TTLL5: variants seen among roughly 807,000 people sequenced by gnomAD.
The protein encoded by TTLL5 is tubulin polyglutamylase TTLL5.
Under a neutral mutation model 168.4 loss-of-function variants are expected in TTLL5, and 132 were observed. The observed-to-expected ratio is 0.78, with a 90% confidence interval of 0.68 to 0.91. The LOEUF (loss-of-function observed/expected upper bound fraction) is 0.91, where lower values mean the gene tolerates loss of function less well. TTLL5 is among the 40% of genes least tolerant of loss of function. TTLL5 has a pLI of 0.00. For missense variants in TTLL5, 1,545 were observed against 1,581.5 expected, an observed-to-expected ratio of 0.98 and a Z score of 0.39; for synonymous variants, 546 against 558.6, an observed-to-expected ratio of 0.98 and a Z score of 0.32.
chr14:75,918,782 A>G (rs1161704168), intron 31 of TTLL5, among the ~76,000 whole-genome samples: 1 of 152,172 alleles, frequency 6.6e-6, no homozygotes, highest in East Asian at 1.9e-4. Context: ...GGAGATTAAT[A>G]TTGTTATAAC....
At position 75,814,614 on chromosome 14, in the gene TTLL5, C is replaced by T. The variant is rs543469035; in HGVS notation, c.3172-5393C>T. 5 of 152,234 alleles carry T rather than the reference C, an allele frequency of 3.3e-5. No individual in the cohort carries two copies. In the East Asian group the frequency reaches 5.8e-4, roughly 18 times the overall value. The allele number at this position is 152,234 out of a possible 1,614,324, so 9.4% of individuals were successfully genotyped here. On this transcript the variant is annotated intron_variant, in intron 27 of 31. Coordinates refer to ENST00000298832, the MANE Select transcript of TTLL5 (RefSeq NM_015072.5). ...TAAAGCCAGAATTGATGCTTAGATT[C>T]GTTTTTGTTCAGTGACTCCTTCTGC...
At chr14:75,928,279 G>A (rs750799623) in intron 31 of TTLL5, among the ~76,000 whole-genome samples, 2 of 144,506 alleles carry the variant, frequency 1.4e-5, no homozygotes, top group Non-Finnish European at 3.0e-5. Flanking sequence ...AAGAGTTTAT[G>A]TCCTGACACC....
intron 5 of TTLL5, among the ~76,000 whole-genome samples, chr14:75,686,996 T>G (rs1885110355): frequency 6.6e-6 from 1 of 152,212 alleles, no homozygotes; most frequent in African/African-American, 2.4e-5. Context: ...GGTTCGGTTT[T>G]TATAACCTGA....
At chr14:75,922,487 A>C (rs1478326127) in intron 31 of TTLL5, among the ~76,000 whole-genome samples, 1 of 152,202 alleles carries the variant, frequency 6.6e-6, no homozygotes, top group Non-Finnish European at 1.5e-5. Flanking sequence ...CTATTGAGAT[A>C]ATCATGTGGT....
intron 27 of TTLL5, among the ~76,000 whole-genome samples, chr14:75,813,749 G>A (rs1894209333): frequency 6.6e-6 from 1 of 150,482 alleles, no homozygotes; most frequent in African/African-American, 2.5e-5. Flanking sequence ...CTTCTTATGT[G>A]TATATACTTG....
chr14:75,866,895 A>G (rs962202913), intron 29 of TTLL5, among the ~76,000 whole-genome samples: 1 of 152,220 alleles, frequency 6.6e-6, no homozygotes, highest in Admixed American at 6.5e-5. Flanking sequence ...CAGTGGCGGA[A>G]GTTTTCAGGA....
At position 75,788,588 on chromosome 14, in the gene TTLL5, A is replaced by G. The variant is rs571407763; in HGVS notation, c.2987-4328A>G. On this transcript the variant is annotated intron_variant, in intron 26 of 31. Coordinates refer to ENST00000298832, the MANE Select transcript of TTLL5 (RefSeq NM_015072.5). Reference sequence around the variant, plus strand: ...AGATGAAGAAAGTCTGAATAGTCCTATAAGTATTTTAAAAAGTGATACAGT... The same window carrying G: ...AGATGAAGAAAGTCTGAATAGTCCTGTAAGTATTTTAAAAAGTGATACAGT... Among the ~76,000 whole-genome samples the G allele has an allele frequency of 1.8e-4, 27 of 152,320 alleles. No individual in the cohort carries two copies. In the South Asian group the frequency reaches 5.4e-3, roughly 30 times the overall value.
intron 31 of TTLL5, among the ~76,000 whole-genome samples, chr14:75,926,009 A>G (rs1022459938): frequency 1.3e-5 from 2 of 151,738 alleles, no homozygotes; most frequent in Non-Finnish European, 2.9e-5. Flanking sequence ...AGTATAGTCC[A>G]GCTTCGCCTT....
At chr14:75,867,742 A>G (rs988842267) in intron 29 of TTLL5, among the ~76,000 whole-genome samples, 43 of 151,002 alleles carry the variant, frequency 2.8e-4, no homozygotes, top group African/African-American at 1.0e-3. Flanking sequence ...CCTGAGTGAC[A>G]GATTGAGACT....
chr14:75,780,689 G>T (rs1891997207), intron 24 of TTLL5, among the ~76,000 whole-genome samples: 1 of 152,248 alleles, frequency 6.6e-6, no homozygotes, highest in East Asian at 1.9e-4. Flanking sequence ...AATGTGGAAT[G>T]AATTTTCCCA....
rs534310326 is a variant in TTLL5, at chr14:75,804,461, C to T, written c.3171+11361C>T. 3.9e-5 allele frequency among the ~76,000 whole-genome samples: 6 copies of T among 152,318 alleles called. No individual in the cohort carries two copies. In the East Asian group the frequency reaches 7.7e-4, roughly 20 times the overall value. On this transcript the variant is annotated intron_variant, in intron 27 of 31. Coordinates refer to ENST00000298832, the MANE Select transcript of TTLL5 (RefSeq NM_015072.5). ...TCTTTGAAATGGTTACAGATGTTCTCTAGGATTGAGGCAGATGGCGCCCAG... is the reference window on the plus strand; with the variant it reads ...TCTTTGAAATGGTTACAGATGTTCTTTAGGATTGAGGCAGATGGCGCCCAG...
At chr14:75,736,494 G>T (rs1221961942) in intron 15 of TTLL5, among the ~76,000 whole-genome samples, 1 of 152,208 alleles carries the variant, frequency 6.6e-6, no homozygotes, top group Non-Finnish European at 1.5e-5. Flanking sequence ...AGCCAAGAGT[G>T]ATATGACTGA....
At chr14:75,697,866 T>C (rs1239187854) in intron 6 of TTLL5, among the ~76,000 whole-genome samples, 1 of 152,204 alleles carries the variant, frequency 6.6e-6, no homozygotes, top group Non-Finnish European at 1.5e-5. Context: ...CTGGGACTGA[T>C]ATCTTGGCGC....
rs913868822 is a variant in TTLL5, at chr14:75,954,742, C to T, written c.*296C>T. ...CTTGTATCTTTTACCTTCCCTTTGCCCCATGCCCCCAAACTGCTTAGGTCT... is the reference window on the plus strand; with the variant it reads ...CTTGTATCTTTTACCTTCCCTTTGCTCCATGCCCCCAAACTGCTTAGGTCT... On this transcript the variant is annotated 3_prime_UTR_variant, in exon 32 of 32. Transcript: ENST00000298832. 1 of 446,036 alleles carries T rather than the reference C, an allele frequency of 2.2e-6. No individual in the cohort carries two copies. Among genetic ancestry groups the T allele is most frequent in the Non-Finnish European group, 4.0e-6 (1 of 247,352 alleles). The allele number at this position is 446,036 out of a possible 1,614,324, so 27.6% of individuals were successfully genotyped here.
rs555297199 is a variant in TTLL5 at position 75,830,251 on chromosome 14, G to T, written c.3326+10090G>T. Among the ~76,000 whole-genome samples the T allele has an allele frequency of 1.3e-4, 20 of 152,262 alleles. No individual in the cohort carries two copies. In the South Asian group the frequency reaches 4.1e-3, roughly 32 times the overall value. ...AAAAACAAAAACAAAAACAAAAATT[G>T]TGGCCTGATTTCCAAAGTGAGCACC... On this transcript the variant is annotated intron_variant, in intron 28 of 31. Transcript: ENST00000298832.
At chr14:75,782,330 G>A (rs919724474) in intron 24 of TTLL5, among the ~76,000 whole-genome samples, 157 bp from the exon 25 acceptor site, 1 of 152,154 alleles carries the variant, frequency 6.6e-6, no homozygotes, top group African/African-American at 2.4e-5. Flanking sequence ...CCTTAGGGCT[G>A]TGGGTGTCTT....
chr14:75,751,943 T>A (rs1594971155), intron 17 of TTLL5, among the ~76,000 whole-genome samples: 1 of 152,216 alleles, frequency 6.6e-6, no homozygotes, highest in African/African-American at 2.4e-5. Context: ...GATTGTATGC[T>A]AAACAATCAA....
At chr14:75,842,814 C>G (rs369780278) in intron 28 of TTLL5, among the ~76,000 whole-genome samples, 1 of 152,078 alleles carries the variant, frequency 6.6e-6, no homozygotes, top group Non-Finnish European at 1.5e-5. Flanking sequence ...GTAAACCCAG[C>G]GGCTTTTCAA....
At chr14:75,688,458 TC>T (rs1885222964) in intron 5 of TTLL5, among the ~76,000 whole-genome samples, 1 of 152,210 alleles carries the variant, frequency 6.6e-6, no homozygotes, top group Non-Finnish European at 1.5e-5. Flanking sequence ...CTTTGTAATA[TC>T]CTTTTTAATA....
Sources: gnomAD v4.1 joint callset for allele counts (sites outside exome capture counted in the v4.1 genomes callset) on GRCh38, gnomAD v4.1.1 for gene constraint, MANE v1.5 for transcripts, NCBI Gene and HGNC (gene_info 2026-07-23, HGNC 2026-07-21) for gene names.